Variants in ABHD12 observed in about 807,000 individuals in gnomAD.
ABHD12 encodes abhydrolase domain containing 12, lysophospholipase.
Under a neutral mutation model 58.3 loss-of-function variants are expected in ABHD12, and 43 were observed. That is an observed-to-expected ratio of 0.74 (90% confidence interval 0.58 to 0.95). ABHD12 has a LOEUF of 0.95. ABHD12 is among the 40% of genes least tolerant of loss of function. The probability of loss-of-function intolerance (pLI) is 0.00; values close to 1 mark genes in which losing one functional copy is unlikely to be tolerated. For synonymous variants in ABHD12, 219 were observed against 211.2 expected (o/e 1.04, Z -0.32); for missense variants, 539 against 537.2 (o/e 1.00, Z -0.03).
chr20:25,390,823 C>A lies in ABHD12; in HGVS notation c.-120G>T. On this transcript the variant is annotated 5_prime_UTR_variant, in exon 1 of 13. Coordinates refer to ENST00000339157, the MANE Select transcript of ABHD12 (RefSeq NM_001042472.3). ...GAACCCGCCGCTCCTCACATCCCAG[C>A]CCAGGCCGCTGCGCCGGCTACGAAC... 1.6e-6 allele frequency: 1 copy of A among 627,634 alleles called. No homozygotes were observed. The highest frequency in any genetic ancestry group is 2.2e-6 in the Non-Finnish European group (1 of 458,568). The allele number at this position is 627,634 out of a possible 1,614,324, so 38.9% of individuals were successfully genotyped here.
intron 2 of ABHD12, 82 bp from the exon 3 acceptor site, chr20:25,323,512 C>G (rs1416931799): frequency 2.3e-6 from 2 of 880,666 alleles, no homozygotes; most frequent in Admixed American, 1.7e-5. Flanking sequence ...TACTCACACA[C>G]GTGCACAGAT....
At chr20:25,308,070 G>T in intron 8 of ABHD12, 25 bp from the exon 9 acceptor site, 1 of 1,497,316 alleles carries the variant, frequency 6.7e-7, no homozygotes, top group Non-Finnish European at 9.3e-7. Flanking sequence ...AGGGAACTGA[G>T]AGGTAGGCAG....
intron 1 of ABHD12, among the ~76,000 whole-genome samples, chr20:25,372,348 C>T (rs1386060116): frequency 6.6e-6 from 1 of 152,112 alleles, no homozygotes; most frequent in East Asian, 1.9e-4. Context: ...CCACCATGCT[C>T]AGCTAATCTT....
At chr20:25,387,650 G>A (rs1355887603) in intron 1 of ABHD12, among the ~76,000 whole-genome samples, 2 of 150,178 alleles carry the variant, frequency 1.3e-5, no homozygotes, top group Non-Finnish European at 2.9e-5. Flanking sequence ...CGATATGGGA[G>A]GATCGCCTGA....
At chr20:25,348,970 G>A (rs1206035016) in intron 1 of ABHD12, among the ~76,000 whole-genome samples, 5 of 151,870 alleles carry the variant, frequency 3.3e-5, no homozygotes, top group African/African-American at 1.2e-4. Flanking sequence ...TGTAGTCCCA[G>A]CCACTCGGGA....
In ABHD12 at chr20:25,302,470, T is replaced by C; in HGVS notation, c.1030-124A>G. 3.8e-6 allele frequency: 5 copies of C among 1,321,022 alleles called. No individual in the cohort carries two copies. The South Asian group carries it at 6.0e-5, about 16-fold the overall frequency. 81.8% of individuals were successfully genotyped at this position (1,321,022 alleles called of 1,614,324 possible). ...TCCAGAGTCCCACATACACTGCTTG[T>C]TGCCACAGCCGGTCACGACCAGGAG... On this transcript the variant is annotated intron_variant, in intron 11 of 12. Coordinates refer to ENST00000339157, the MANE Select transcript of ABHD12 (RefSeq NM_001042472.3).
intron 2 of ABHD12, among the ~76,000 whole-genome samples, chr20:25,328,249 C>G (rs2089209780): frequency 6.6e-6 from 1 of 152,202 alleles, no homozygotes; most frequent in Non-Finnish European, 1.5e-5. Flanking sequence ...ACTTCAGACT[C>G]TAGGGCCCAC....
chr20:25,365,586 A>G (rs2089809072), intron 1 of ABHD12, among the ~76,000 whole-genome samples: 1 of 152,198 alleles, frequency 6.6e-6, no homozygotes, highest in Non-Finnish European at 1.5e-5. Context: ...ACACTCTTAG[A>G]ATGGAAATTA....
intron 6 of ABHD12, among the ~76,000 whole-genome samples, chr20:25,312,461 G>A (rs978143171): frequency 2.9e-5 from 3 of 103,802 alleles, no homozygotes; most frequent in South Asian, 2.9e-4. Context: ...GATTGCAGAC[G>A]GAGTCTCGTT....
At chr20:25,341,278 A>G (rs1205871541) in intron 1 of ABHD12, among the ~76,000 whole-genome samples, 4 of 152,216 alleles carry the variant, frequency 2.6e-5, no homozygotes, top group Admixed American at 1.3e-4. Context: ...TGCTGGGGTT[A>G]CTGCCCAGGG....
intron 1 of ABHD12, among the ~76,000 whole-genome samples, chr20:25,350,269 A>G (rs1450040994): frequency 6.6e-5 from 10 of 152,246 alleles, no homozygotes; most frequent in Non-Finnish European, 1.0e-4. Context: ...GAGAAAATAC[A>G]AAGTATAACC....
chr20:25,333,553 C>T (rs1265604662), intron 2 of ABHD12, among the ~76,000 whole-genome samples: 1 of 150,948 alleles, frequency 6.6e-6, no homozygotes, highest in Non-Finnish European at 1.5e-5. Context: ...ATGCAAAAAT[C>T]CTCAATAAAA....
chr20:25,384,264 G>C (rs1313815997), intron 1 of ABHD12, among the ~76,000 whole-genome samples: 5 of 151,070 alleles, frequency 3.3e-5, no homozygotes, highest in Non-Finnish European at 7.4e-5. Flanking sequence ...ACCTATGAAT[G>C]AGATAAATAT....
At chr20:25,298,429 C>CTAAT (rs1317560314), downstream of ABHD12, among the ~76,000 whole-genome samples, 1 of 152,126 alleles carries the variant, frequency 6.6e-6, no homozygotes, top group African/African-American at 2.4e-5. Context: ...CCACACCCGG[C>CTAAT]TAATTTGTGT....
intron 7 of ABHD12, among the ~76,000 whole-genome samples, chr20:25,308,742 C>T (rs1350605197): frequency 6.6e-6 from 1 of 152,192 alleles, no homozygotes; most frequent in African/African-American, 2.4e-5. Context: ...GTCCTGCTGC[C>T]TCTCACTGCC....
At position 25,352,433 on chromosome 20, in the gene ABHD12, C is replaced by T. The variant is rs191148095; in HGVS notation, c.192-13082G>A. 4.6e-5 allele frequency among the ~76,000 whole-genome samples: 7 copies of T among 152,082 alleles called. No individual in the cohort carries two copies. In the East Asian group the frequency reaches 1.4e-3, roughly 29 times the overall value. On this transcript the variant is annotated intron_variant, in intron 1 of 12. Transcript: ENST00000339157. ...CCTCCCAAGTAGCTGGGACTACAGG[C>T]ACGTGCCACCACACCTGGCTAATTT...
chr20:25,367,955 A>G (rs943675321), intron 1 of ABHD12, among the ~76,000 whole-genome samples: 1 of 152,198 alleles, frequency 6.6e-6, no homozygotes, highest in African/African-American at 2.4e-5. Context: ...TCTATGTTCA[A>G]TTTTTAAAGA....
Position 25,390,495 on chromosome 20 carries a change from C to T in ABHD12, c.191+18G>A, listed in dbSNP as rs1287394131. 1 of 1,357,460 alleles carries T rather than the reference C, an allele frequency of 7.4e-7. No individual in the cohort carries two copies. The highest frequency in any genetic ancestry group is 4.0e-5 in the East Asian group (1 of 24,802). 84.1% of individuals were successfully genotyped at this position (1,357,460 alleles called of 1,614,324 possible). A position where few individuals can be genotyped will look rare whatever the true frequency, so the allele number is the denominator to read the frequency against. On this transcript the variant is annotated intron_variant, in intron 1 of 12. Transcript: ENST00000339157. ...GGGACCGGCCCCCCCCCCCCCCCCG[C>T]TCCGCGCGAAGCCTCACCTGCCCAG...
chr20:25,387,291 T>C (rs1056784618), intron 1 of ABHD12, among the ~76,000 whole-genome samples: 2 of 152,202 alleles, frequency 1.3e-5, no homozygotes, highest in African/African-American at 4.8e-5. Context: ...TCAGACATGG[T>C]GGCTCACACC....
Sources: allele counts gnomAD v4.1 joint callset (sites outside exome capture counted in the v4.1 genomes callset), GRCh38; gene constraint gnomAD v4.1.1; transcripts MANE v1.5; gene names NCBI Gene and HGNC (gene_info 2026-07-23, HGNC 2026-07-21).